KAZN: variants seen among roughly 807,000 people sequenced by gnomAD.
The protein encoded by KAZN is kazrin.
KAZN carries 40 observed loss-of-function variants against 87.4 expected under a neutral mutation model. That is an observed-to-expected ratio of 0.46 (90% CI 0.36 to 0.60). The LOEUF (loss-of-function observed/expected upper bound fraction) is 0.60. KAZN is among the 20% of genes least tolerant of loss of function. KAZN has a pLI of 0.00. For synonymous variants in KAZN, 466 were observed against 458.3 expected (o/e 1.02, Z -0.22); for missense variants, 898 against 1,073.9 (o/e 0.84, Z 2.29).
chr1:14,683,599 C>T (rs920851755), intron 1 of KAZN, among the ~76,000 whole-genome samples: 4 of 152,208 alleles, frequency 2.6e-5, no homozygotes, highest in South Asian at 2.1e-4. Context: ...TTGCGTGTCA[C>T]TTATTCACGA....
chr1:15,103,535 A>T (rs45547637), intron 12 of KAZN, 75 bp downstream of exon 12: 24,874 of 925,218 alleles, frequency 0.027, 441 homozygotes, highest in Non-Finnish European at 0.035. Flanking sequence ...GCAAATCAAT[A>T]TGCAAATCAC....
At chr1:14,431,204 C>T (rs916247716) in intron 2 of KAZN, among the ~76,000 whole-genome samples, 1 of 152,100 alleles carries the variant, frequency 6.6e-6, no homozygotes, top group Non-Finnish European at 1.5e-5. Flanking sequence ...AGGTATGGGC[C>T]ACTTAGCATC....
intron 1 of KAZN, among the ~76,000 whole-genome samples, chr1:14,116,798 G>GC (rs935043045): frequency 4.6e-5 from 7 of 152,200 alleles, no homozygotes; most frequent in Non-Finnish European, 1.0e-4. Flanking sequence ...GCTGTACCCT[G>GC]CAAAGCAACA....
At chr1:15,012,580 A>G (rs1431805639) in intron 2 of KAZN, among the ~76,000 whole-genome samples, 2 of 152,202 alleles carry the variant, frequency 1.3e-5, no homozygotes, top group Non-Finnish European at 2.9e-5. Flanking sequence ...AGGAGATAAG[A>G]AGACACACAC....
chr1:15,077,065 G>A lies in KAZN; in HGVS notation c.1222+11312G>A, dbSNP rs1201975907. Among the ~76,000 whole-genome samples, 6 of 152,186 alleles carry A rather than the reference G, an allele frequency of 3.9e-5. No homozygotes were observed. The highest frequency in any genetic ancestry group is 2.1e-4 in the South Asian group (1 of 4,826). On this transcript the variant is annotated intron_variant, in intron 8 of 14. Transcript: ENST00000376030. This position sits in a 1 kb window ranked among gnomAD's most constrained non-coding sequence, Gnocchi z 4.8. ...TCTGCTCACTCCAGCGAGGCTGCTC[G>A]GAGCAATGCCAGCCTGGTGTTTCCA... is the stretch of plus-strand genomic sequence containing the variant.
chr1:14,348,051 A>ATTTTTTTT (rs70997137), intron 2 of KAZN, among the ~76,000 whole-genome samples: 13 of 117,868 alleles, frequency 1.1e-4, no homozygotes, highest in East Asian at 2.5e-4. Flanking sequence ...CACCTGGCTA[A>ATTTTTTTT]TTTTTTTTTT....
At chr1:14,496,210 G>T (rs1362536005) in intron 2 of KAZN, among the ~76,000 whole-genome samples, 1 of 152,160 alleles carries the variant, frequency 6.6e-6, no homozygotes, top group Non-Finnish European at 1.5e-5. Flanking sequence ...CTCTGCTGTA[G>T]TTTCCATATT....
chr1:14,002,391 C>T (rs549370254), intron 1 of KAZN, among the ~76,000 whole-genome samples: 3 of 152,208 alleles, frequency 2.0e-5, no homozygotes, highest in Admixed American at 6.5e-5. Flanking sequence ...CTTTCCCATG[C>T]TCTTCTAGTG....
intron 1 of KAZN, among the ~76,000 whole-genome samples, chr1:14,043,992 C>T (rs2359912): frequency 0.62 from 93,343 of 151,658 alleles, 30,070 homozygotes; most frequent in African/African-American, 0.8. Flanking sequence ...TCCCTTGTGT[C>T]TCTCATGCAG....
intron 1 of KAZN, among the ~76,000 whole-genome samples, chr1:14,029,631 C>T (rs990154252): frequency 7.3e-5 from 11 of 151,312 alleles, no homozygotes; most frequent in African/African-American, 2.7e-4. Flanking sequence ...GTCTTTAATC[C>T]ATCTCGAATT....
At chr1:13,895,836 A>C (rs1377040346) in intron 1 of KAZN, among the ~76,000 whole-genome samples, 1 of 152,166 alleles carries the variant, frequency 6.6e-6, no homozygotes. Flanking sequence ...AGAGTAAGTT[A>C]CGGCTCATAC....
At chr1:14,731,381 C>T (rs1016549612) in intron 1 of KAZN, among the ~76,000 whole-genome samples, 2 of 152,212 alleles carry the variant, frequency 1.3e-5, no homozygotes, top group African/African-American at 4.8e-5. Context: ...CTTGGCTGGG[C>T]AGTGGGCTAA....
Position 14,548,522 on chromosome 1 carries a change from G to A in KAZN, c.250-50461G>A, listed in dbSNP as rs146365540. On this transcript the variant is annotated intron_variant, in intron 2 of 16. Coordinates refer to the KAZN transcript ENST00000636203. ...CCTCCACGCATTTCTTTATCATTTC[G>A]CCATATATGTTTACTTCTCTAAACA... Among the ~76,000 whole-genome samples, 275 of 152,062 alleles carry A rather than the reference G, an allele frequency of 1.8e-3. 1 individual carries two copies. Among genetic ancestry groups the A allele is most frequent in the Non-Finnish European group, 2.3e-3 (159 of 68,002 alleles).
In KAZN at chr1:14,390,731, C is replaced by T. The variant is rs117671503; in HGVS notation, c.250-208252C>T. 264 of 152,604 alleles carry T rather than the reference C, an allele frequency of 1.7e-3. No individual in the cohort carries two copies. The South Asian group carries it at 0.019, about 11-fold the overall frequency. 9.5% of individuals were successfully genotyped at this position (152,604 alleles called of 1,614,324 possible). A position where few individuals can be genotyped will look rare whatever the true frequency, so the allele number is the denominator to read the frequency against. On this transcript the variant is annotated intron_variant, in intron 2 of 16. Coordinates refer to the KAZN transcript ENST00000636203. ...CCAAGCTTAAGGCCTTGATATCTGG[C>T]GAGGGCCTTCTTGCTGCATCCTCCC... is the stretch of plus-strand genomic sequence containing the variant.
intron 1 of KAZN, among the ~76,000 whole-genome samples, chr1:14,774,227 G>A (rs1475452855): frequency 6.6e-6 from 1 of 152,148 alleles, no homozygotes; most frequent in Non-Finnish European, 1.5e-5. Flanking sequence ...CTCCAGCTCT[G>A]TGGTCCCGGA....
At chr1:14,457,293 GCA>G (rs1404045733) in intron 2 of KAZN, among the ~76,000 whole-genome samples, 1 of 152,090 alleles carries the variant, frequency 6.6e-6, no homozygotes, top group African/African-American at 2.4e-5. Context: ...CTCTTCATAT[GCA>G]TGTTAACCCT....
chr1:14,105,440 C>T (rs2101655966), intron 1 of KAZN, among the ~76,000 whole-genome samples: 1 of 152,290 alleles, frequency 6.6e-6, no homozygotes, highest in Non-Finnish European at 1.5e-5. Context: ...TGCTTTATTC[C>T]TTCTGGCTGC....
chr1:14,263,928 C>T (rs1651275057), intron 2 of KAZN, among the ~76,000 whole-genome samples: 1 of 152,162 alleles, frequency 6.6e-6, no homozygotes, highest in African/African-American at 2.4e-5. Context: ...GCCTTCTGGC[C>T]ATCTGACTGG....
chr1:14,438,828 T>C (rs1666544027), intron 2 of KAZN, among the ~76,000 whole-genome samples: 1 of 152,244 alleles, frequency 6.6e-6, no homozygotes, highest in Non-Finnish European at 1.5e-5. Context: ...AAGTTCCTCG[T>C]GGCTGATAGG....
Sources: gnomAD v4.1 joint callset for allele counts (sites outside exome capture counted in the v4.1 genomes callset) on GRCh38, gnomAD v4.1.1 for gene constraint, Gnocchi (gnomAD v3.1) non-coding constraint, MANE v1.5 for transcripts, NCBI Gene and HGNC (gene_info 2026-07-23, HGNC 2026-07-21) for gene names.